UBE2E2: variants seen among roughly 807,000 people sequenced by gnomAD.
The protein encoded by UBE2E2 is ubiquitin-conjugating enzyme E2 E2.
Under a neutral mutation model 24.7 loss-of-function variants are expected in UBE2E2, and 6 were observed. That is an observed-to-expected ratio of 0.24 (90% CI 0.13 to 0.48). The LOEUF (loss-of-function observed/expected upper bound fraction) is 0.48, where lower values mean the gene tolerates loss of function less well. Ranked by LOEUF, UBE2E2 falls within the 20% of genes least tolerant of loss-of-function variation. The pLI, the probability that UBE2E2 is intolerant of heterozygous loss-of-function variation, is 0.99. For missense variants in UBE2E2, 169 were observed against 245.0 expected (o/e 0.69, Z 2.07); for synonymous variants, 104 against 83.6 (o/e 1.24, Z -1.33).
chr3:23,430,827 C>G (rs142074917), intron 3 of UBE2E2, among the ~76,000 whole-genome samples: 4 of 152,218 alleles, frequency 2.6e-5, no homozygotes, highest in Non-Finnish European at 2.9e-5. Flanking sequence ...GGCCTGTTTA[C>G]TTCATTTTTT....
intron 3 of UBE2E2, among the ~76,000 whole-genome samples, chr3:23,432,945 T>G (rs34804976): frequency 0.074 from 11,308 of 151,922 alleles, 537 homozygotes; most frequent in Non-Finnish European, 0.088. Context: ...GATAGAAAGA[T>G]TCTTGATTAT....
intron 3 of UBE2E2, among the ~76,000 whole-genome samples, chr3:23,296,082 G>T (rs1344374778): frequency 1.3e-5 from 2 of 152,120 alleles, no homozygotes; most frequent in Admixed American, 1.3e-4. Flanking sequence ...CTTTCAGTAA[G>T]TTTTCAGCTG....
chr3:23,497,430 C>T (rs1699625942), intron 3 of UBE2E2, among the ~76,000 whole-genome samples: 1 of 152,106 alleles, frequency 6.6e-6, no homozygotes, highest in Non-Finnish European at 1.5e-5. Context: ...CAGCTATTGG[C>T]AATAGCTGAG....
intron 3 of UBE2E2, among the ~76,000 whole-genome samples, chr3:23,230,184 A>T (rs954389855): frequency 2.0e-5 from 3 of 152,180 alleles, no homozygotes; most frequent in African/African-American, 7.2e-5. Context: ...AATTGGTTAG[A>T]TATTTATTTT....
At chr3:23,241,225 T>A (rs898085511) in intron 3 of UBE2E2, among the ~76,000 whole-genome samples, 1 of 152,208 alleles carries the variant, frequency 6.6e-6, no homozygotes, top group African/African-American at 2.4e-5. Context: ...TCAGAATACA[T>A]CTAGAGTCTA....
intron 5 of UBE2E2, among the ~76,000 whole-genome samples, chr3:23,582,894 T>TG (rs1553622746): frequency 8.9e-5 from 10 of 112,874 alleles, no homozygotes; most frequent in East Asian, 2.6e-4. Context: ...TGTGTGTGTG[T>TG]TGTGTGTTTG....
intron 5 of UBE2E2, among the ~76,000 whole-genome samples, chr3:23,554,421 A>G (rs909279449): frequency 7.9e-5 from 12 of 152,192 alleles, no homozygotes; most frequent in Non-Finnish European, 1.2e-4. Flanking sequence ...TGGCTAAGGC[A>G]GGAGGATCAC....
chr3:23,364,995 A>G (rs1031807752), intron 3 of UBE2E2, among the ~76,000 whole-genome samples: 2 of 152,216 alleles, frequency 1.3e-5, no homozygotes, highest in Non-Finnish European at 2.9e-5. Flanking sequence ...GTGATTTGCC[A>G]CAAAAACAGA....
chr3:23,375,570 A>G (rs1696501590), intron 3 of UBE2E2, among the ~76,000 whole-genome samples: 1 of 152,162 alleles, frequency 6.6e-6, no homozygotes, highest in Non-Finnish European at 1.5e-5. Flanking sequence ...TGTTTAGTAG[A>G]GGTTTTTTGT....
chr3:23,587,311 T>A (rs1321208498), intron 5 of UBE2E2, among the ~76,000 whole-genome samples: 1 of 152,182 alleles, frequency 6.6e-6, no homozygotes, highest in African/African-American at 2.4e-5. Context: ...CTTGTTCCCT[T>A]TATTCTTCAT....
intron 3 of UBE2E2, among the ~76,000 whole-genome samples, chr3:23,485,362 G>T (rs1284906655): frequency 6.6e-6 from 1 of 152,128 alleles, no homozygotes; most frequent in Non-Finnish European, 1.5e-5. Context: ...CTCCCAAAGT[G>T]TTGGGATTAC....
chr3:23,218,171 C>A (rs1042542557), intron 3 of UBE2E2, among the ~76,000 whole-genome samples: 35 of 152,038 alleles, frequency 2.3e-4, no homozygotes, highest in African/African-American at 7.9e-4. Context: ...GGTATGATTT[C>A]TGAGTTTACT....
chr3:23,426,703 G>T (rs1697936058), intron 3 of UBE2E2, among the ~76,000 whole-genome samples: 1 of 152,160 alleles, frequency 6.6e-6, no homozygotes, highest in South Asian at 2.1e-4. Context: ...GAGAGAATTT[G>T]TTGCCAGCAG....
chr3:23,377,320 AGT>A (rs1696548847), intron 3 of UBE2E2, among the ~76,000 whole-genome samples: 1 of 152,190 alleles, frequency 6.6e-6, no homozygotes, highest in Non-Finnish European at 1.5e-5. Flanking sequence ...TGCATCTAAA[AGT>A]GTGTTACTCT....
chr3:23,586,157 A>G (rs1417832134), intron 5 of UBE2E2, among the ~76,000 whole-genome samples: 1 of 152,190 alleles, frequency 6.6e-6, no homozygotes, highest in Non-Finnish European at 1.5e-5. Flanking sequence ...TTCTCCTTTC[A>G]TGAAATATTA....
chr3:23,294,951 A>G (rs1698870660), intron 3 of UBE2E2, among the ~76,000 whole-genome samples: 1 of 152,068 alleles, frequency 6.6e-6, no homozygotes, highest in African/African-American at 2.4e-5. Flanking sequence ...GTCTTCATTT[A>G]TTTTTAGCTA....
At chr3:23,350,068 T>C (rs537405338) in intron 3 of UBE2E2, among the ~76,000 whole-genome samples, 5 of 152,190 alleles carry the variant, frequency 3.3e-5, no homozygotes, top group African/African-American at 1.2e-4. Flanking sequence ...CAGCAGCATT[T>C]GCCGTTCACA....
At position 23,232,233 on chromosome 3, in the gene UBE2E2, A is replaced by G. The variant is rs778755623; in HGVS notation, c.227+14921A>G. Among the ~76,000 whole-genome samples, 211 of 152,344 alleles carry G rather than the reference A, an allele frequency of 1.4e-3. 1 individual carries two copies. Among genetic ancestry groups the G allele is most frequent in the Non-Finnish European group, 1.6e-3 (107 of 68,008 alleles). ...CATCAGTCTTGGCATACCAAAAGAC[A>G]TCACTTTGTACATTCCAAGGATTTT... is the stretch of plus-strand genomic sequence containing the variant. On this transcript the variant is annotated intron_variant, in intron 3 of 5. Transcript: ENST00000396703.
At position 23,273,051 on chromosome 3, in the gene UBE2E2, C is replaced by T. The variant is rs375690458; in HGVS notation, c.227+55739C>T. On this transcript the variant is annotated intron_variant, in intron 3 of 5. Transcript: ENST00000396703. ...CTTCCAATTCAGCTGTTTATCTCAT[C>T]AAAAAACACCCTCACAGACACACTT... 2.2e-4 allele frequency among the ~76,000 whole-genome samples: 34 copies of T among 152,212 alleles called. No individual in the cohort carries two copies. The South Asian group carries it at 6.6e-3, about 30-fold the overall frequency.
Sources: gnomAD v4.1 joint callset for allele counts (sites outside exome capture counted in the v4.1 genomes callset) on GRCh38, gnomAD v4.1.1 for gene constraint, MANE v1.5 for transcripts, NCBI Gene and HGNC (gene_info 2026-07-23, HGNC 2026-07-21) for gene names.